AK4: variants seen among roughly 807,000 people sequenced by gnomAD.
The protein encoded by AK4 is adenylate kinase 4, also known as adenylate kinase 4, mitochondrial.
Under a neutral mutation model 24.6 loss-of-function variants are expected in AK4, and 13 were observed. That is an observed-to-expected ratio of 0.53 (90% confidence interval 0.34 to 0.84). The LOEUF (loss-of-function observed/expected upper bound fraction) is 0.84, where lower values mean the gene tolerates loss of function less well. Ranked by LOEUF, AK4 falls within the 40% of genes least tolerant of loss-of-function variation. AK4 has a pLI of 0.01. For synonymous variants in AK4, 88 were observed against 107.0 expected (o/e 0.82, Z 1.10); for missense variants, 192 against 288.2 (o/e 0.67, Z 2.42).
chr1:65,172,554 T>C (rs1281008835), intron 1 of AK4, among the ~76,000 whole-genome samples: 2 of 152,116 alleles, frequency 1.3e-5, no homozygotes, highest in Admixed American at 1.3e-4. Context: ...GACTTGGGTA[T>C]AGAATAAGCT....
chr1:65,223,685 T>C (rs750381325), intron 3 of AK4, among the ~76,000 whole-genome samples: 14 of 152,018 alleles, frequency 9.2e-5, no homozygotes, highest in Non-Finnish European at 1.5e-4. Context: ...GAAAATCATA[T>C]ACATTTTCAA....
At chr1:65,171,484 TTCAG>T (rs1320946520) in intron 1 of AK4, among the ~76,000 whole-genome samples, 1 of 151,732 alleles carries the variant, frequency 6.6e-6, no homozygotes, top group Admixed American at 6.6e-5. Context: ...ATTTTGTTTT[TTCAG>T]TAGAGACGGG....
At chr1:65,152,691 A>G (rs1189680353) in intron 1 of AK4, among the ~76,000 whole-genome samples, 1 of 151,664 alleles carries the variant, frequency 6.6e-6, no homozygotes, top group Non-Finnish European at 1.5e-5. Context: ...GAGCCACCGC[A>G]CCTGGCCTCT....
intron 1 of AK4, among the ~76,000 whole-genome samples, chr1:65,165,396 T>C (rs1650295329): frequency 6.6e-6 from 1 of 152,056 alleles, no homozygotes; most frequent in African/African-American, 2.4e-5. Flanking sequence ...AAGGGAACTT[T>C]GTGAGGTGAG....
intron 2 of AK4, among the ~76,000 whole-genome samples, chr1:65,197,280 C>T (rs1453694164): frequency 1.3e-5 from 2 of 152,076 alleles, no homozygotes; most frequent in Admixed American, 6.5e-5. Context: ...TTCCCCAAAT[C>T]GGTTCTAATT....
chr1:65,174,177 A>G (rs1348253820), intron 1 of AK4, among the ~76,000 whole-genome samples: 2 of 152,026 alleles, frequency 1.3e-5, no homozygotes, highest in Non-Finnish European at 2.9e-5. Context: ...CAACCCCCCA[A>G]ATAAACCCTA....
At chr1:65,190,410 G>A (rs1034679164) in intron 1 of AK4, among the ~76,000 whole-genome samples, 4 of 133,442 alleles carry the variant, frequency 3.0e-5, no homozygotes, top group Middle Eastern at 4.6e-3. Flanking sequence ...GTACAGGCAC[G>A]AGCCACACAC....
At chr1:65,223,851 G>T (rs1652371017) in intron 3 of AK4, among the ~76,000 whole-genome samples, 1 of 152,016 alleles carries the variant, frequency 6.6e-6, no homozygotes, top group African/African-American at 2.4e-5. Context: ...ACAAAAATTA[G>T]CTGGGCATGG....
At chr1:65,148,650 C>T in intron 1 of AK4, 98 bp downstream of exon 1, 2 of 1,414,902 alleles carry the variant, frequency 1.4e-6, no homozygotes, top group South Asian at 3.2e-5. Flanking sequence ...GCCCTTCCCC[C>T]GCCCGCGTGT....
At chr1:65,171,382 C>T (rs1019833148) in intron 1 of AK4, among the ~76,000 whole-genome samples, 3 of 144,950 alleles carry the variant, frequency 2.1e-5, no homozygotes, top group Non-Finnish European at 4.5e-5. Flanking sequence ...ACAATCTCCG[C>T]ACTGCAACCT....
intron 2 of AK4, among the ~76,000 whole-genome samples, chr1:65,206,087 C>G (rs952928396): frequency 6.6e-5 from 10 of 152,216 alleles, no homozygotes; most frequent in African/African-American, 1.9e-4. Context: ...ACCTACGTCA[C>G]TCTCCTTACA....
At chr1:65,203,761 T>A (rs1651734551) in intron 2 of AK4, among the ~76,000 whole-genome samples, 1 of 151,974 alleles carries the variant, frequency 6.6e-6, no homozygotes, top group African/African-American at 2.4e-5. Flanking sequence ...GCTGAGACCG[T>A]GCCATTGCAC....
At chr1:65,219,779 T>C (rs1652241370) in intron 3 of AK4, among the ~76,000 whole-genome samples, 1 of 152,200 alleles carries the variant, frequency 6.6e-6, no homozygotes, top group Non-Finnish European at 1.5e-5. Context: ...CGTTTTCGTT[T>C]TTTATAGTCT....
At chr1:65,181,151 G>T (rs1650890384) in intron 1 of AK4, among the ~76,000 whole-genome samples, 1 of 150,088 alleles carries the variant, frequency 6.7e-6, no homozygotes, top group African/African-American at 2.5e-5. Flanking sequence ...ACAGATGTGT[G>T]GGTGTGTGGG....
At chr1:65,166,284 G>A (rs1650325922) in intron 1 of AK4, among the ~76,000 whole-genome samples, 1 of 151,024 alleles carries the variant, frequency 6.6e-6, no homozygotes, top group African/African-American at 2.4e-5. Flanking sequence ...TGCTTTGAAT[G>A]GAAGCACAAT....
Position 65,229,307 on chromosome 1 carries a change from G to A in AK4, c.*3130G>A, listed in dbSNP as rs1001404832. On this transcript the variant is annotated 3_prime_UTR_variant, in exon 5 of 5. Transcript: ENST00000327299. ...CCAATGCTTTGGGAAGCCATGATGGGAAGGTTGTCGGAGGCCAAAAGTTCA... is the reference window on the plus strand; with the variant it reads ...CCAATGCTTTGGGAAGCCATGATGGAAAGGTTGTCGGAGGCCAAAAGTTCA... The A allele has an allele frequency of 5.3e-5, 8 of 152,184 alleles. No homozygotes were observed. Among genetic ancestry groups the A allele is most frequent in the African/African-American group, 1.9e-4 (8 of 41,438 alleles). 9.4% of individuals were successfully genotyped at this position (152,184 alleles called of 1,614,324 possible).
chr1:65,204,367 T>G (rs1457068683), intron 2 of AK4, among the ~76,000 whole-genome samples: 6 of 152,060 alleles, frequency 3.9e-5, no homozygotes, highest in African/African-American at 1.4e-4. Context: ...GACTGGCTAA[T>G]TTTTTACATT....
At chr1:65,157,411 G>A (rs1650018831) in intron 1 of AK4, among the ~76,000 whole-genome samples, 1 of 152,152 alleles carries the variant, frequency 6.6e-6, no homozygotes, top group African/African-American at 2.4e-5. Flanking sequence ...GCAAAGAGGT[G>A]AAACAAGGTC....
chr1:65,220,786 T>G (rs1040295798), intron 3 of AK4, among the ~76,000 whole-genome samples: 3 of 152,180 alleles, frequency 2.0e-5, no homozygotes, highest in Non-Finnish European at 2.9e-5. Context: ...CTGAAAGTAT[T>G]TTTCAATGAG....
Sources: allele counts gnomAD v4.1 joint callset (sites outside exome capture counted in the v4.1 genomes callset), GRCh38; gene constraint gnomAD v4.1.1; transcripts MANE v1.5; gene names NCBI Gene and HGNC (gene_info 2026-07-23, HGNC 2026-07-21).